Variants in FAM168A observed in about 807,000 individuals in gnomAD.
The protein encoded by FAM168A is family with sequence similarity 168 member A.
A neutral mutation model predicts 28.5 loss-of-function variants in FAM168A; 3 were observed. That is an observed-to-expected ratio of 0.11 (90% CI 0.05 to 0.27). The LOEUF is 0.27. FAM168A is among the 10% of genes least tolerant of loss of function. FAM168A has a pLI of 1.00. For missense variants in FAM168A, 222 were observed against 311.5 expected (o/e 0.71, Z 2.16); for synonymous variants, 122 against 124.2 (o/e 0.98, Z 0.12).
chr11:73,549,556 G>C (rs1943801407), intron 1 of FAM168A, among the ~76,000 whole-genome samples: 1 of 152,198 alleles, frequency 6.6e-6, no homozygotes. Flanking sequence ...AATTCTGTGT[G>C]TTCCCGGAGG....
At chr11:73,453,679 G>A (rs1867473317) in intron 2 of FAM168A, among the ~76,000 whole-genome samples, 1 of 152,170 alleles carries the variant, frequency 6.6e-6, no homozygotes, top group Non-Finnish European at 1.5e-5. Flanking sequence ...TGGAAGTAAA[G>A]GAACTTATTA....
chr11:73,429,737 T>C (rs1225644290), intron 3 of FAM168A, among the ~76,000 whole-genome samples: 2 of 152,224 alleles, frequency 1.3e-5, no homozygotes, highest in Non-Finnish European at 2.9e-5. Context: ...CATGTATTCC[T>C]TTTTACAATA....
intron 3 of FAM168A, among the ~76,000 whole-genome samples, chr11:73,421,699 C>T (rs1032699167): frequency 6.6e-6 from 1 of 152,182 alleles, no homozygotes; most frequent in African/African-American, 2.4e-5. Flanking sequence ...TTAGACTCTG[C>T]CACACATGTG....
chr11:73,436,420 G>C (rs192713237), intron 2 of FAM168A, among the ~76,000 whole-genome samples: 8 of 152,020 alleles, frequency 5.3e-5, no homozygotes, highest in African/African-American at 1.7e-4. Context: ...GTGAGCAGGA[G>C]AATACTTAGG....
intron 1 of FAM168A, among the ~76,000 whole-genome samples, chr11:73,514,690 G>A (rs113689137): frequency 2.2e-4 from 33 of 152,152 alleles, no homozygotes; most frequent in East Asian, 1.7e-3. Flanking sequence ...AAAATTAACC[G>A]AGCATGGTGG....
chr11:73,464,810 A>T (rs1867708050), intron 2 of FAM168A, among the ~76,000 whole-genome samples: 1 of 151,866 alleles, frequency 6.6e-6, no homozygotes, highest in African/African-American at 2.4e-5. Context: ...TAGCCCTGTT[A>T]CATTTATTAC....
chr11:73,517,375 C>T lies in FAM168A; in HGVS notation c.-18-48883G>A, dbSNP rs115842170. Among the ~76,000 whole-genome samples, 1,451 of 152,144 alleles carry T rather than the reference C, an allele frequency of 9.5e-3. 24 individuals are homozygous for T. The highest frequency in any genetic ancestry group is 0.034 in the African/African-American group (1,399 of 41,462). On this transcript the variant is annotated intron_variant, in intron 1 of 7. Transcript: ENST00000356467. ...GTAACTGAGTAGTAAATCATCTCCCCCATCCCAATTTCCACCCCCCTTCCC... is the reference window on the plus strand; with the variant it reads ...GTAACTGAGTAGTAAATCATCTCCCTCATCCCAATTTCCACCCCCCTTCCC...
At chr11:73,484,167 G>T (rs541259410) in intron 1 of FAM168A, among the ~76,000 whole-genome samples, 2 of 152,170 alleles carry the variant, frequency 1.3e-5, no homozygotes, top group South Asian at 4.1e-4. Flanking sequence ...TACAGAGTAC[G>T]TTATATACCA....
chr11:73,571,642 G>A (rs1190621385), intron 1 of FAM168A, among the ~76,000 whole-genome samples: 2 of 152,178 alleles, frequency 1.3e-5, no homozygotes, highest in Non-Finnish European at 2.9e-5. Flanking sequence ...AAAGTGCAGA[G>A]ATTGCAGCCT....
At chr11:73,528,419 A>G (rs1472610508) in intron 1 of FAM168A, among the ~76,000 whole-genome samples, 2 of 152,206 alleles carry the variant, frequency 1.3e-5, no homozygotes, top group African/African-American at 4.8e-5. Context: ...TTTAAAGATA[A>G]TAGTATCAAT....
chr11:73,586,515 G>C (rs901606774), intron 1 of FAM168A, among the ~76,000 whole-genome samples: 1 of 152,182 alleles, frequency 6.6e-6, no homozygotes, highest in Non-Finnish European at 1.5e-5. Flanking sequence ...AGTAAGATAA[G>C]AGGGCCTAGC....
chr11:73,507,405 T>G (rs1025125194), intron 1 of FAM168A, among the ~76,000 whole-genome samples: 4 of 152,042 alleles, frequency 2.6e-5, no homozygotes, highest in African/African-American at 4.8e-5. Flanking sequence ...TGGGACAAAG[T>G]CCATTCTAAA....
At chr11:73,541,339 T>C (rs1943653658) in intron 1 of FAM168A, among the ~76,000 whole-genome samples, 1 of 151,946 alleles carries the variant, frequency 6.6e-6, no homozygotes, top group Non-Finnish European at 1.5e-5. Flanking sequence ...TCACTGATTA[T>C]GATAGTGTAA....
chr11:73,580,100 C>T (rs1007596765), intron 1 of FAM168A, among the ~76,000 whole-genome samples: 1 of 152,134 alleles, frequency 6.6e-6, no homozygotes, highest in African/African-American at 2.4e-5. Flanking sequence ...AAAACTGATG[C>T]TACAATCTGT....
intron 1 of FAM168A, among the ~76,000 whole-genome samples, chr11:73,504,148 AC>A (rs1239983338): frequency 1.3e-5 from 2 of 152,226 alleles, no homozygotes; most frequent in Admixed American, 1.3e-4. Flanking sequence ...GCCAAAATTG[AC>A]AAATGGGATC....
intron 1 of FAM168A, among the ~76,000 whole-genome samples, chr11:73,523,489 T>C (rs1435403717): frequency 6.6e-6 from 1 of 152,128 alleles, no homozygotes; most frequent in Non-Finnish European, 1.5e-5. Context: ...AATAGATTGA[T>C]AGTTTCACAA....
At chr11:73,478,474 T>C (rs1310342937) in intron 1 of FAM168A, among the ~76,000 whole-genome samples, 2 of 152,156 alleles carry the variant, frequency 1.3e-5, no homozygotes, top group Middle Eastern at 3.2e-3. Flanking sequence ...GGAATGGCGA[T>C]TGACTGCAGA....
At chr11:73,503,964 A>T (rs1855060836) in intron 1 of FAM168A, among the ~76,000 whole-genome samples, 1 of 152,230 alleles carries the variant, frequency 6.6e-6, no homozygotes, top group Admixed American at 6.5e-5. Flanking sequence ...CAGAAAACTG[A>T]AACTGGACCT....
intron 1 of FAM168A, among the ~76,000 whole-genome samples, chr11:73,536,467 C>A (rs1245213712): frequency 6.6e-6 from 1 of 152,110 alleles, no homozygotes; most frequent in Non-Finnish European, 1.5e-5. Flanking sequence ...GTGGGCAGAT[C>A]ACGTAAGGTC....
Sources: allele counts gnomAD v4.1 joint callset (sites outside exome capture counted in the v4.1 genomes callset), GRCh38; gene constraint gnomAD v4.1.1; transcripts MANE v1.5; gene names NCBI Gene and HGNC (gene_info 2026-07-23, HGNC 2026-07-21).